STK38: variants seen among roughly 807,000 people sequenced by gnomAD.
STK38 encodes the protein serine/threonine kinase 38, also known as serine/threonine-protein kinase 38.
In STK38, 26 loss-of-function variants were observed where a neutral mutation model predicts 59.0. That is an observed-to-expected ratio of 0.44 (90% CI 0.32 to 0.61). The LOEUF is 0.61. Ranked by LOEUF, STK38 falls within the 20% of genes least tolerant of loss-of-function variation. STK38 has a pLI of 0.04. For synonymous variants in STK38, 175 were observed against 176.6 expected, an observed-to-expected ratio of 0.99 and a Z score of 0.07; for missense variants, 433 against 566.0, an observed-to-expected ratio of 0.76 and a Z score of 2.38.
Position 36,495,387 on chromosome 6 carries a change from CAGAG to C in STK38, c.*393_*396del, listed in dbSNP as rs143538336. 1,018 of 175,430 alleles carry C rather than the reference CAGAG, an allele frequency of 5.8e-3. 8 individuals carry two copies. Among genetic ancestry groups the C allele is most frequent in the African/African-American group, 0.021 (881 of 42,086 alleles). 10.9% of individuals were successfully genotyped at this position (175,430 alleles called of 1,614,324 possible). A position where few individuals can be genotyped will look rare whatever the true frequency, so the allele number is the denominator to read the frequency against. On this transcript the variant is annotated 3_prime_UTR_variant, in exon 14 of 14. Coordinates refer to ENST00000229812, the MANE Select transcript of STK38 (RefSeq NM_007271.4). ...TAAAGGAAATACTTGGTGGGCTTGG[CAGAG>C]AGCGTGTCACAAAATTACAGGAACT...
intron 10 of STK38, among the ~76,000 whole-genome samples, chr6:36,499,660 A>G (rs1582402897): frequency 6.6e-6 from 1 of 152,352 alleles, no homozygotes; most frequent in South Asian, 2.1e-4. Flanking sequence ...AAACATAAAA[A>G]ATGATCAGCA....
At chr6:36,533,259 C>T (rs2127487222) in intron 2 of STK38, among the ~76,000 whole-genome samples, 1 of 152,246 alleles carries the variant, frequency 6.6e-6, no homozygotes, top group South Asian at 2.1e-4. Context: ...GAGATCCTCC[C>T]ACCTCAGCCT....
chr6:36,503,272 A>G (rs1475494556), intron 9 of STK38, among the ~76,000 whole-genome samples: 5 of 151,950 alleles, frequency 3.3e-5, no homozygotes, highest in African/African-American at 7.2e-5. Flanking sequence ...TTTTTCCTTT[A>G]TGAGCTGTAG....
chr6:36,539,495 T>C (rs945143662), intron 2 of STK38, among the ~76,000 whole-genome samples: 1 of 152,214 alleles, frequency 6.6e-6, no homozygotes, highest in Non-Finnish European at 1.5e-5. Context: ...GTGACTACTA[T>C]GTGTGAAACA....
chr6:36,517,726 G>A lies in STK38; in HGVS notation c.505C>T (p.Leu169=), dbSNP rs770102049. ...KLNLYLIMEF[L]PGGDMMTLLM... ...ATCGTCAAGTAATTACCTCCAGGCA[G>A]GAACTCCATGATTAGGTAGAGGTTT... Residue 169 remains leucine, a synonymous_variant, in exon 6 of 14, where the codon CTG becomes TTG. Transcript: ENST00000229812. 6.2e-7 allele frequency: 1 copy of A among 1,613,238 alleles called. No individual in the cohort carries two copies. The highest frequency in any genetic ancestry group is 1.1e-5 in the South Asian group (1 of 90,960).
rs1776662034 is a variant in STK38, at chr6:36,494,884, G to A, written c.*900C>T. 6.6e-6 allele frequency: 1 copy of A among 152,302 alleles called. No homozygotes were observed. Among genetic ancestry groups the A allele is most frequent in the African/African-American group, 2.4e-5 (1 of 41,460 alleles). 9.4% of individuals were successfully genotyped at this position (152,302 alleles called of 1,614,324 possible). A position where few individuals can be genotyped will look rare whatever the true frequency, so the allele number is the denominator to read the frequency against. On this transcript the variant is annotated 3_prime_UTR_variant, in exon 14 of 14. Transcript: ENST00000229812. ...AGAGGGTTCCAGGCCTCCTGCCTAG[G>A]CCTGGGCTCTCCTCGTTAGGTTCCC... is the stretch of plus-strand genomic sequence containing the variant.
intron 8 of STK38, among the ~76,000 whole-genome samples, chr6:36,507,071 T>C (rs1353061968): frequency 6.6e-6 from 1 of 152,252 alleles, no homozygotes; most frequent in Non-Finnish European, 1.5e-5. Flanking sequence ...TATGCTTTTC[T>C]AGGATGAACT....
intron 3 of STK38, among the ~76,000 whole-genome samples, chr6:36,524,874 A>G (rs1273814977): frequency 2.0e-5 from 3 of 152,094 alleles, no homozygotes; most frequent in Non-Finnish European, 4.4e-5. Flanking sequence ...AGTATTGGGT[A>G]TTTTTCACCA....
intron 9 of STK38, among the ~76,000 whole-genome samples, chr6:36,505,343 G>A (rs373028887): frequency 5.3e-5 from 8 of 152,164 alleles, no homozygotes; most frequent in East Asian, 1.9e-4. Flanking sequence ...TTAAAGAGTC[G>A]CAGAGTTCCC....
chr6:36,534,084 C>A (rs1367202270), intron 2 of STK38, among the ~76,000 whole-genome samples: 1 of 152,084 alleles, frequency 6.6e-6, no homozygotes, highest in Non-Finnish European at 1.5e-5. Context: ...ATCAACCCAG[C>A]AACATAAAGG....
At chr6:36,534,621 C>T (rs959589523) in intron 2 of STK38, among the ~76,000 whole-genome samples, 3 of 151,928 alleles carry the variant, frequency 2.0e-5, no homozygotes, top group African/African-American at 7.3e-5. Flanking sequence ...CCACCTCACT[C>T]CAACCTGGGT....
chr6:36,533,734 C>T (rs2127487528), intron 2 of STK38, among the ~76,000 whole-genome samples: 1 of 152,304 alleles, frequency 6.6e-6, no homozygotes, highest in African/African-American at 2.4e-5. Flanking sequence ...AAACAAGTGG[C>T]TAAATCAAAA....
At chr6:36,543,978 GT>G (rs1463138199) in intron 1 of STK38, among the ~76,000 whole-genome samples, 4 of 152,084 alleles carry the variant, frequency 2.6e-5, no homozygotes, top group Admixed American at 1.3e-4. Context: ...AAGTTTTCAG[GT>G]TTTCCCCCTT....
intron 9 of STK38, among the ~76,000 whole-genome samples, chr6:36,501,556 T>C (rs979827084): frequency 6.6e-6 from 1 of 150,812 alleles, no homozygotes; most frequent in Non-Finnish European, 1.5e-5. Flanking sequence ...CATTTGTCTT[T>C]TTTTTTTTTT....
intron 9 of STK38, 49 bp downstream of exon 9, chr6:36,506,534 T>C: frequency 6.4e-7 from 1 of 1,567,250 alleles, no homozygotes; most frequent in Non-Finnish European, 8.7e-7. Context: ...TCTTTTGAAC[T>C]TATTCATACT....
intron 5 of STK38, among the ~76,000 whole-genome samples, chr6:36,520,328 C>T (rs1007771462): frequency 8.5e-5 from 13 of 152,138 alleles, no homozygotes; most frequent in African/African-American, 3.1e-4. Context: ...ACAATATTTG[C>T]GAAAAGGCTT....
intron 9 of STK38, 24 bp from the exon 10 acceptor site, chr6:36,500,014 C>T (rs659726): frequency 8.8e-6 from 14 of 1,590,272 alleles, no homozygotes; most frequent in Non-Finnish European, 1.0e-5. Context: ...CACACATCAG[C>T]GAGGCCCAGC....
chr6:36,532,367 C>T (rs1422345129), intron 2 of STK38, among the ~76,000 whole-genome samples: 1 of 149,324 alleles, frequency 6.7e-6, no homozygotes, highest in Non-Finnish European at 1.5e-5. Context: ...ACTTAGTTTA[C>T]TTCTGAGGTA....
chr6:36,504,552 T>A (rs1776913840), intron 9 of STK38, among the ~76,000 whole-genome samples: 1 of 152,180 alleles, frequency 6.6e-6, no homozygotes, highest in African/African-American at 2.4e-5. Flanking sequence ...TTCTTCAAGT[T>A]ATGAAAAGAG....
Sources: gnomAD v4.1 joint callset for allele counts (sites outside exome capture counted in the v4.1 genomes callset) on GRCh38, gnomAD v4.1.1 for gene constraint, MANE v1.5 for transcripts, NCBI Gene and HGNC (gene_info 2026-07-23, HGNC 2026-07-21) for gene names.